Variants in NUP133 observed in about 807,000 individuals in gnomAD.
The protein encoded by NUP133 is nucleoporin 133.
In NUP133, 66 loss-of-function variants were observed where a neutral mutation model predicts 146.2. That is an observed-to-expected ratio of 0.45 (90% CI 0.37 to 0.55). NUP133 has a LOEUF of 0.55. Among genes scored for constraint, NUP133 ranks in the 20% least tolerant of loss-of-function variants. NUP133 has a pLI of 0.00. For missense variants in NUP133, 1,277 were observed against 1,374.8 expected (o/e 0.93, Z 1.12); for synonymous variants, 521 against 498.8 (o/e 1.04, Z -0.59).
At chr1:229,470,904 C>G in intron 14 of NUP133, 100 bp from the exon 15 acceptor site, 1 of 923,090 alleles carries the variant, frequency 1.1e-6, no homozygotes, top group Non-Finnish European at 1.7e-6. Flanking sequence ...CAGTCACTGG[C>G]CCCAGCTTTC....
In NUP133 at chr1:229,496,608, G is replaced by A. The variant is rs79760764; in HGVS notation, c.820-561C>T. On this transcript the variant is annotated intron_variant, in intron 6 of 25. Coordinates refer to ENST00000261396, the MANE Select transcript of NUP133 (RefSeq NM_018230.3). ...AGCTGAAAGGTGGGAAAGTTACAGC[G>A]TCTTTGGAGAACAAGAAGTCATCCT... is the stretch of plus-strand genomic sequence containing the variant. 7.2e-3 allele frequency among the ~76,000 whole-genome samples: 1,104 copies of A among 152,290 alleles called. 13 individuals carry two copies. Among genetic ancestry groups the A allele is most frequent in the African/African-American group, 0.025 (1,043 of 41,564 alleles).
At position 229,502,007 on chromosome 1, in the gene NUP133, T is replaced by C. The variant is rs200757782; in HGVS notation, c.397A>G (p.Ile133Val). 40 of 1,607,854 alleles carry C rather than the reference T, an allele frequency of 2.5e-5. No homozygotes were observed. Among genetic ancestry groups the C allele is most frequent in the Middle Eastern group, 1.6e-4 (1 of 6,076 alleles). The change falls in exon 3 of 26, where the codon ATT (isoleucine) becomes GTT (valine). Residue 133 changes from isoleucine (I) to valine (V), a missense_variant. Around this residue, in one of 3 missense-constraint regions of NUP133, gnomAD observed 319 missense variants for 306.9 expected, o/e 1.04. Transcript: ENST00000261396. ...CTCTAAAGAGCCATTACCTTAGTAA[T>C]AGGTGACAGAGCAATCTTCCAAATA... ...LIIWKIALSPITKLSVCKELQ... is the reference protein window; with the variant it reads ...LIIWKIALSPVTKLSVCKELQ...
Position 229,508,113 on chromosome 1 carries a change from G to A in NUP133, c.137C>T (p.Pro46Leu). 6.4e-7 allele frequency: 1 copy of A among 1,568,326 alleles called. No homozygotes were observed. The highest frequency in any genetic ancestry group is 1.2e-5 in the South Asian group (1 of 86,906). ...CCGGCCGACCGGCGAGAAGAGCACT[G>A]GGGAGCTGACTGCAGACCCCAGGGG... ...GLPLGSAVSSPVLFSPVGRRS... is the reference protein window; with the variant it reads ...GLPLGSAVSSLVLFSPVGRRS... The change falls in exon 1 of 26, where the codon CCA (proline) becomes CTA (leucine). Residue 46 changes from proline to leucine, a missense_variant. Physicochemically the swap from Pro to Leu is moderately conservative, Grantham distance 98. Around this residue, in one of 3 missense-constraint regions of NUP133, gnomAD observed 319 missense variants for 306.9 expected, o/e 1.04. Transcript: ENST00000261396.
At chr1:229,502,558 C>CAAAAAAAAAA (rs58520087) in intron 2 of NUP133, among the ~76,000 whole-genome samples, 6 of 43,050 alleles carry the variant, frequency 1.4e-4, no homozygotes, top group African/African-American at 1.9e-4. Flanking sequence ...GACTCCATCT[C>CAAAAAAAAAA]AAAAAAAAAA....
At chr1:229,499,159 C>T (rs1405803525) in intron 5 of NUP133, 3 of 469,136 alleles carry the variant, frequency 6.4e-6, no homozygotes, top group Non-Finnish European at 1.3e-5. Context: ...TTCAGCCATT[C>T]AAAGTGGTGA....
At chr1:229,470,062 AAGG>A (rs1480907022) in intron 15 of NUP133, among the ~76,000 whole-genome samples, 1 of 152,158 alleles carries the variant, frequency 6.6e-6, no homozygotes, top group Non-Finnish European at 1.5e-5. Flanking sequence ...GAGAGAGACA[AAGG>A]AGAAGATCAG....
At chr1:229,459,723 T>C (rs142757363) in intron 20 of NUP133, among the ~76,000 whole-genome samples, 2 of 152,344 alleles carry the variant, frequency 1.3e-5, no homozygotes, top group East Asian at 3.9e-4. Flanking sequence ...TACTGCATTG[T>C]GTATTCTATA....
At chr1:229,464,600 T>G in intron 18 of NUP133, 24 bp downstream of exon 18, 1 of 1,609,494 alleles carries the variant, frequency 6.2e-7, no homozygotes, top group Non-Finnish European at 8.5e-7. Flanking sequence ...AATTTAAAAC[T>G]CTTGCCAAGT....
chr1:229,493,204 G>T (rs1245002598), intron 8 of NUP133, among the ~76,000 whole-genome samples: 1 of 152,072 alleles, frequency 6.6e-6, no homozygotes, highest in South Asian at 2.1e-4. Flanking sequence ...TAGAAAAAAG[G>T]TCTTTCTCTG....
intron 22 of NUP133, 134 bp from the exon 23 acceptor site, chr1:229,450,739 T>TTTTG (rs1553256773): frequency 3.4e-5 from 16 of 470,032 alleles, no homozygotes; most frequent in Non-Finnish European, 4.5e-5. Context: ...TTGTTTGTTT[T>TTTTG]TTTTGAGACA....
intron 11 of NUP133, 44 bp downstream of exon 11, chr1:229,486,327 A>G: frequency 6.5e-7 from 1 of 1,532,268 alleles, no homozygotes; most frequent in Non-Finnish European, 8.7e-7. Context: ...ATCTCTAAAA[A>G]ATAAATAACA....
intron 12 of NUP133, among the ~76,000 whole-genome samples, chr1:229,479,223 A>ATG (rs1661149953): frequency 6.6e-6 from 1 of 152,256 alleles, no homozygotes; most frequent in Non-Finnish European, 1.5e-5. Flanking sequence ...GAGCTCCAGC[A>ATG]TACAAAAAGG....
chr1:229,450,512 C>T lies in NUP133; in HGVS notation c.3180+13G>A. On this transcript the variant is annotated intron_variant, in intron 23 of 25. Transcript: ENST00000261396. The stretch of plus-strand genomic sequence containing the variant: ...TTCAGTTGCCTGAGATCATCTCAAG[C>T]AATTTTACTTACCTCATCAATATAT... 3.4e-6 allele frequency: 5 copies of T among 1,456,892 alleles called. No individual in the cohort carries two copies. Among genetic ancestry groups the T allele is most frequent in the Non-Finnish European group, 4.7e-6 (5 of 1,057,850 alleles). 90.2% of individuals were successfully genotyped at this position (1,456,892 alleles called of 1,614,324 possible).
At chr1:229,504,798 T>C (rs542530226) in intron 2 of NUP133, among the ~76,000 whole-genome samples, 2 of 152,342 alleles carry the variant, frequency 1.3e-5, no homozygotes, top group East Asian at 3.9e-4. Context: ...AAATATTAAA[T>C]GGAAAATTCA....
Position 229,491,505 on chromosome 1 carries a change from G to A in NUP133, c.1047-1403C>T, listed in dbSNP as rs115276512. Among the ~76,000 whole-genome samples the A allele has an allele frequency of 2.1e-3, 320 of 152,308 alleles. 2 individuals are homozygous for A. The highest frequency in any genetic ancestry group is 7.0e-3 in the African/African-American group (290 of 41,570). On this transcript the variant is annotated intron_variant, in intron 8 of 25. Coordinates refer to ENST00000261396, the MANE Select transcript of NUP133 (RefSeq NM_018230.3). ...CTAAAATAAATTTAAAAGGCCAGGT[G>A]TGGTGTTTCACACCTGTAACCCCAG...
intron 13 of NUP133, among the ~76,000 whole-genome samples, chr1:229,476,995 A>T (rs10916487): frequency 0.29 from 43,590 of 151,232 alleles, 8,405 homozygotes; most frequent in African/African-American, 0.55. Flanking sequence ...CTACCTATGC[A>T]ACCAATTTTC....
chr1:229,474,340 T>G (rs1425074050), intron 14 of NUP133, among the ~76,000 whole-genome samples: 1 of 152,218 alleles, frequency 6.6e-6, no homozygotes, highest in African/African-American at 2.4e-5. Flanking sequence ...CTGATACACT[T>G]GGCTAATTAA....
intron 8 of NUP133, among the ~76,000 whole-genome samples, chr1:229,494,476 CT>C (rs1367596507): frequency 6.6e-6 from 1 of 152,116 alleles, no homozygotes; most frequent in Non-Finnish European, 1.5e-5. Context: ...TACTCTAAAA[CT>C]CATAAAAAAT....
chr1:229,502,852 G>A (rs1661840018), intron 2 of NUP133, among the ~76,000 whole-genome samples: 1 of 151,040 alleles, frequency 6.6e-6, no homozygotes, highest in Non-Finnish European at 1.5e-5. Flanking sequence ...AGCTACTAGG[G>A]TGACTGAGGC....
Sources: allele counts gnomAD v4.1 joint callset (sites outside exome capture counted in the v4.1 genomes callset), GRCh38; gene constraint gnomAD v4.1.1; regional missense constraint gnomAD v4.1.1; transcripts MANE v1.5; gene names NCBI Gene and HGNC (gene_info 2026-07-23, HGNC 2026-07-21).